Variants in GRM3 observed in about 807,000 individuals in gnomAD.
GRM3 encodes glutamate metabotropic receptor 3, also known as metabotropic glutamate receptor 3.
A neutral mutation model predicts 70.5 loss-of-function variants in GRM3; 26 were observed. That is an observed-to-expected ratio of 0.37 (90% CI 0.27 to 0.51). The LOEUF (loss-of-function observed/expected upper bound fraction) is 0.51, where lower values mean the gene tolerates loss of function less well. GRM3 is among the 20% of genes least tolerant of loss of function. The pLI is 0.93. For synonymous variants in GRM3, 443 were observed against 434.9 expected (o/e 1.02, Z -0.23); for missense variants, 859 against 1,123.8 (o/e 0.76, Z 3.37).
intron 2 of GRM3, among the ~76,000 whole-genome samples, chr7:86,777,692 A>C (rs1046640619): frequency 1.3e-5 from 2 of 152,214 alleles, no homozygotes; most frequent in African/African-American, 2.4e-5. Context: ...CAAAACAAAA[A>C]AAGTTACTAA....
chr7:86,808,715 T>A (rs548896659), intron 3 of GRM3, among the ~76,000 whole-genome samples: 1 of 151,822 alleles, frequency 6.6e-6, no homozygotes, highest in Non-Finnish European at 1.5e-5. Context: ...GAGCCAGAGG[T>A]CAAATGAGCA....
At chr7:86,853,826 G>A (rs1350999736) in intron 5 of GRM3, among the ~76,000 whole-genome samples, 1 of 152,078 alleles carries the variant, frequency 6.6e-6, no homozygotes, top group Non-Finnish European at 1.5e-5. Flanking sequence ...ATTCAGACAG[G>A]GCTTGGTTCA....
At chr7:86,725,821 G>T (rs971336244) in intron 1 of GRM3, among the ~76,000 whole-genome samples, 2 of 152,068 alleles carry the variant, frequency 1.3e-5, no homozygotes, top group Non-Finnish European at 2.9e-5. Flanking sequence ...TTCTTATAAG[G>T]GCCATCCGCC....
intron 1 of GRM3, among the ~76,000 whole-genome samples, chr7:86,691,048 C>A (rs572858800): frequency 3.3e-5 from 5 of 152,136 alleles, no homozygotes; most frequent in Non-Finnish European, 7.4e-5. Flanking sequence ...TTTTCCTCTA[C>A]TACCATTTCC....
At chr7:86,788,698 A>G (rs767487591) in intron 3 of GRM3, among the ~76,000 whole-genome samples, 13 of 152,222 alleles carry the variant, frequency 8.5e-5, no homozygotes, top group Non-Finnish European at 1.3e-4. Context: ...TTACTCTAAA[A>G]ATAAATTAAC....
At chr7:86,723,132 T>C (rs1795511313) in intron 1 of GRM3, among the ~76,000 whole-genome samples, 1 of 152,042 alleles carries the variant, frequency 6.6e-6, no homozygotes, top group Admixed American at 6.6e-5. Flanking sequence ...AAACTGTATT[T>C]CCTGAATGAA....
chr7:86,774,645 T>C (rs1361322203), intron 2 of GRM3, among the ~76,000 whole-genome samples: 1 of 151,864 alleles, frequency 6.6e-6, no homozygotes, highest in East Asian at 1.9e-4. Flanking sequence ...TGGCAAAGCA[T>C]CTTGACAGAT....
chr7:86,817,027 A>G (rs1347184138), intron 3 of GRM3, among the ~76,000 whole-genome samples: 1 of 151,936 alleles, frequency 6.6e-6, no homozygotes, highest in Non-Finnish European at 1.5e-5. Context: ...AGGAAACTGA[A>G]AAAAACAGTT....
chr7:86,754,197 A>G (rs995983997), intron 1 of GRM3, among the ~76,000 whole-genome samples: 1 of 152,158 alleles, frequency 6.6e-6, no homozygotes, highest in African/African-American at 2.4e-5. Flanking sequence ...TATGGGGTTC[A>G]TACATGCTAT....
At chr7:86,677,473 G>T (rs556502574) in intron 1 of GRM3, among the ~76,000 whole-genome samples, 1 of 151,902 alleles carries the variant, frequency 6.6e-6, no homozygotes, top group Non-Finnish European at 1.5e-5. Flanking sequence ...TTTCTGCTGA[G>T]GTCAAGCATA....
chr7:86,853,123 G>C (rs1798783651), intron 5 of GRM3, among the ~76,000 whole-genome samples: 1 of 152,110 alleles, frequency 6.6e-6, no homozygotes, highest in African/African-American at 2.4e-5. Context: ...TCATACTGTA[G>C]ACTGTAAGCC....
chr7:86,793,819 GTTA>G (rs1331640329), intron 3 of GRM3, among the ~76,000 whole-genome samples: 3 of 151,850 alleles, frequency 2.0e-5, no homozygotes, highest in Admixed American at 6.6e-5. Context: ...CATTATAGTT[GTTA>G]TTATTATTGT....
At chr7:86,814,790 A>C (rs904721518) in intron 3 of GRM3, among the ~76,000 whole-genome samples, 1 of 150,968 alleles carries the variant, frequency 6.6e-6, no homozygotes, top group Non-Finnish European at 1.5e-5. Context: ...GCTGGTGTAA[A>C]TTATCTAGTA....
At chr7:86,767,058 A>G (rs1213524255) in intron 2 of GRM3, among the ~76,000 whole-genome samples, 1 of 151,982 alleles carries the variant, frequency 6.6e-6, no homozygotes, top group African/African-American at 2.4e-5. Flanking sequence ...CAAAAATACA[A>G]AACATTAGCA....
intron 1 of GRM3, among the ~76,000 whole-genome samples, chr7:86,755,458 G>A (rs1415460800): frequency 1.3e-5 from 2 of 152,102 alleles, no homozygotes; most frequent in African/African-American, 4.8e-5. Flanking sequence ...TGGGTCATAA[G>A]GAAATATGGG....
At chr7:86,674,289 T>C (rs975442383) in intron 1 of GRM3, among the ~76,000 whole-genome samples, 1 of 143,776 alleles carries the variant, frequency 7.0e-6, no homozygotes, top group Non-Finnish European at 1.6e-5. Flanking sequence ...TCCTTCCACA[T>C]GGGCTTGTCT....
chr7:86,782,664 T>C (rs1797104755), intron 2 of GRM3, among the ~76,000 whole-genome samples: 1 of 152,220 alleles, frequency 6.6e-6, no homozygotes, highest in Admixed American at 6.5e-5. Context: ...GCCCCCAACA[T>C]ACATACAGAC....
At chr7:86,695,993 T>C (rs917928463) in intron 1 of GRM3, among the ~76,000 whole-genome samples, 1 of 152,206 alleles carries the variant, frequency 6.6e-6, no homozygotes, top group African/African-American at 2.4e-5. Context: ...CCAGTTGCAG[T>C]AGGAGTTCAT....
intron 1 of GRM3, among the ~76,000 whole-genome samples, chr7:86,734,877 C>T (rs978473004): frequency 1.3e-5 from 2 of 152,074 alleles, no homozygotes; most frequent in Non-Finnish European, 1.5e-5. Context: ...TTCTTTTATA[C>T]ACGCACCCCA....
Sources: allele counts gnomAD v4.1 joint callset (sites outside exome capture counted in the v4.1 genomes callset), GRCh38; gene constraint gnomAD v4.1.1; transcripts MANE v1.5; gene names NCBI Gene and HGNC (gene_info 2026-07-23, HGNC 2026-07-21).